Variants in MOB3B observed in about 807,000 individuals in gnomAD.
MOB3B encodes the protein MOB kinase activator 3B, also known as MOB kinase activator-like 2B.
Under a neutral mutation model 18.7 loss-of-function variants are expected in MOB3B, and 7 were observed. That is an observed-to-expected ratio of 0.37 (90% confidence interval 0.21 to 0.70). MOB3B has a LOEUF of 0.70. MOB3B is among the 30% of genes least tolerant of loss of function. The probability of loss-of-function intolerance (pLI) is 0.52; values close to 1 mark genes in which losing one functional copy is unlikely to be tolerated. For synonymous variants in MOB3B, 111 were observed against 99.9 expected, an observed-to-expected ratio of 1.11 and a Z score of -0.66; for missense variants, 253 against 281.3, an observed-to-expected ratio of 0.90 and a Z score of 0.72.
rs1822288504 is a variant in MOB3B, at chr9:27,423,656, C to T, written c.418+31477G>A. Among the ~76,000 whole-genome samples the T allele has an allele frequency of 2.6e-5, 4 of 152,264 alleles. No individual in the cohort carries two copies. The South Asian group carries it at 8.3e-4, about 32-fold the overall frequency. On this transcript the variant is annotated intron_variant, in intron 2 of 3. Transcript: ENST00000262244. ...ATAACATTCTTCACATGTGTAATAA[C>T]TGGTTTAGTATCTGTCTTCACTACA...
intron 1 of MOB3B, among the ~76,000 whole-genome samples, chr9:27,508,597 G>C (rs988893268): frequency 6.6e-6 from 1 of 152,066 alleles, no homozygotes; most frequent in Non-Finnish European, 1.5e-5. Flanking sequence ...ATAAATTGAA[G>C]TATATTAAAA....
intron 1 of MOB3B, among the ~76,000 whole-genome samples, chr9:27,490,446 G>C (rs75954428): frequency 9.8e-4 from 150 of 152,328 alleles, no homozygotes; most frequent in Middle Eastern, 6.8e-3. Flanking sequence ...AATAGTGTTT[G>C]AGAGAGGGAC....
intron 2 of MOB3B, among the ~76,000 whole-genome samples, chr9:27,434,259 C>G (rs1379943037): frequency 6.6e-6 from 1 of 152,088 alleles, no homozygotes; most frequent in African/African-American, 2.4e-5. Context: ...TCTTTCCTGC[C>G]CTTGTCTTAC....
chr9:27,383,870 C>T (rs1055219578), intron 2 of MOB3B, among the ~76,000 whole-genome samples: 1 of 152,174 alleles, frequency 6.6e-6, no homozygotes, highest in African/African-American at 2.4e-5. Flanking sequence ...ATTGTATTGT[C>T]TAGCATTTCC....
intron 2 of MOB3B, among the ~76,000 whole-genome samples, chr9:27,452,229 C>T (rs1176853744): frequency 6.6e-6 from 1 of 152,164 alleles, no homozygotes; most frequent in East Asian, 1.9e-4. Context: ...TCCATCCATC[C>T]ATCCAATAAC....
At chr9:27,369,431 G>C (rs909328014) in intron 2 of MOB3B, among the ~76,000 whole-genome samples, 2 of 152,096 alleles carry the variant, frequency 1.3e-5, no homozygotes. Flanking sequence ...GTTTATGCAG[G>C]TCCCTTGTAA....
At chr9:27,515,198 T>C (rs1324891574) in intron 1 of MOB3B, among the ~76,000 whole-genome samples, 1 of 152,246 alleles carries the variant, frequency 6.6e-6, no homozygotes, top group African/African-American at 2.4e-5. Context: ...TTTTTACTGT[T>C]GTTTTCCCTC....
chr9:27,476,527 G>A (rs1322003523), intron 1 of MOB3B, among the ~76,000 whole-genome samples: 1 of 152,168 alleles, frequency 6.6e-6, no homozygotes, highest in Non-Finnish European at 1.5e-5. Flanking sequence ...ACTCCAGTAT[G>A]ACCTCATGTT....
chr9:27,469,457 C>T (rs948430456), intron 1 of MOB3B, among the ~76,000 whole-genome samples: 1 of 152,144 alleles, frequency 6.6e-6, no homozygotes, highest in Non-Finnish European at 1.5e-5. Flanking sequence ...CCACACAACA[C>T]CACGACATTA....
At chr9:27,362,687 C>A (rs1387085576) in intron 2 of MOB3B, among the ~76,000 whole-genome samples, 4 of 152,164 alleles carry the variant, frequency 2.6e-5, no homozygotes, top group Non-Finnish European at 5.9e-5. Flanking sequence ...AGGTTGGGAG[C>A]CCTCAGGAGC....
chr9:27,422,660 C>T (rs1822272076), intron 2 of MOB3B, among the ~76,000 whole-genome samples: 1 of 152,160 alleles, frequency 6.6e-6, no homozygotes, highest in South Asian at 2.1e-4. Flanking sequence ...TGAGATCAGT[C>T]TCTGATGAAT....
rs139506791 is a variant in MOB3B, at chr9:27,495,201, T to C, written c.-199+34354A>G. ...TAAAAATCAGCTGGGCACAGTGGCATACACCTACAGTCTCAGCTATTCAGC... is the reference window on the plus strand; with the variant it reads ...TAAAAATCAGCTGGGCACAGTGGCACACACCTACAGTCTCAGCTATTCAGC... On this transcript the variant is annotated intron_variant, in intron 1 of 3. Transcript: ENST00000262244. Among the ~76,000 whole-genome samples the C allele has an allele frequency of 4.1e-3, 623 of 152,148 alleles. 5 individuals carry two copies. Among genetic ancestry groups the C allele is most frequent in the African/African-American group, 0.014 (570 of 41,520 alleles).
chr9:27,475,085 G>A (rs1325387034), intron 1 of MOB3B, among the ~76,000 whole-genome samples: 3 of 152,180 alleles, frequency 2.0e-5, no homozygotes, highest in Admixed American at 6.5e-5. Context: ...TCTTGCTCTC[G>A]CTTTGATGAT....
intron 1 of MOB3B, among the ~76,000 whole-genome samples, chr9:27,504,044 C>T (rs926736957): frequency 3.3e-5 from 5 of 152,254 alleles, no homozygotes; most frequent in Non-Finnish European, 7.3e-5. Context: ...TTGCAAATCA[C>T]AGGGTCTCAG....
At chr9:27,345,047 G>A (rs776418829) in intron 3 of MOB3B, among the ~76,000 whole-genome samples, 2 of 152,352 alleles carry the variant, frequency 1.3e-5, no homozygotes, top group Non-Finnish European at 2.9e-5. Context: ...TACAGTCACT[G>A]TAGGCCAGCA....
Position 27,412,674 on chromosome 9 carries a change from T to C in MOB3B, c.418+42459A>G, listed in dbSNP as rs557023107. 5.3e-5 allele frequency among the ~76,000 whole-genome samples: 8 copies of C among 152,280 alleles called. No homozygotes were observed. In the South Asian group the frequency reaches 1.7e-3, roughly 32 times the overall value. On this transcript the variant is annotated intron_variant, in intron 2 of 3. Coordinates refer to ENST00000262244, the MANE Select transcript of MOB3B (RefSeq NM_024761.5). Reference sequence around the variant, plus strand: ...TAAAGCAAACATTCTTATTTCTAGTTAGGAAGAGAAAGAAGACAGTGATGG... The same window carrying C: ...TAAAGCAAACATTCTTATTTCTAGTCAGGAAGAGAAAGAAGACAGTGATGG...
rs1374311871 is a variant in MOB3B at position 27,328,815 on chromosome 9, T to G, written c.*1772A>C. 6.6e-6 allele frequency: 1 copy of G among 152,608 alleles called. No individual in the cohort carries two copies. Among genetic ancestry groups the G allele is most frequent in the Non-Finnish European group, 1.5e-5 (1 of 68,048 alleles). The allele number at this position is 152,608 out of a possible 1,614,324, so 9.5% of individuals were successfully genotyped here. The stretch of plus-strand genomic sequence containing the variant: ...CTGGATCTCTGTGATGGTCAGATAT[T>G]CTTTTGGCCAAAAGAGATGTAGGGA... On this transcript the variant is annotated 3_prime_UTR_variant, in exon 4 of 4. Transcript: ENST00000262244.
At chr9:27,444,242 A>AAGGAAGGAAGGAAGGAAGGAGGGAGGGAG (rs1822650198) in intron 2 of MOB3B, among the ~76,000 whole-genome samples, 2 of 73,402 alleles carry the variant, frequency 2.7e-5, no homozygotes, top group African/African-American at 1.2e-4. Flanking sequence ...GAGGGAGGGA[A>AAGGAAGGAAGGAAGGAAGGAGGGAGGGAG]GGAAGGAAGG....
rs1488828659 is a variant in MOB3B, at chr9:27,522,912, A to AAT, written c.-199+6641_-199+6642dup. 8.0e-4 allele frequency among the ~76,000 whole-genome samples: 108 copies of AAT among 134,350 alleles called. No homozygotes were observed. The South Asian group carries it at 0.011, about 14-fold the overall frequency. 88.1% of individuals were successfully genotyped at this position (134,350 alleles called of 152,430 possible). ...TTTATGTAGATGGAACAAATAGAAT[A>AAT]ATATATATATATATATTTTTTTCCG... On this transcript the variant is annotated intron_variant, in intron 1 of 3. Coordinates refer to ENST00000262244, the MANE Select transcript of MOB3B (RefSeq NM_024761.5).
Sources: allele counts gnomAD v4.1 joint callset (sites outside exome capture counted in the v4.1 genomes callset), GRCh38; gene constraint gnomAD v4.1.1; transcripts MANE v1.5; gene names NCBI Gene and HGNC (gene_info 2026-07-23, HGNC 2026-07-21).